The following TLN2 variants were observed in gnomAD, a reference collection of about 807,000 sequenced individuals.
TLN2 encodes the protein talin 2, also known as talin-2.
A neutral mutation model predicts 294.7 loss-of-function variants in TLN2; 118 were observed. The ratio of observed to expected loss-of-function variants is 0.40; its 90% CI spans 0.34 to 0.47. TLN2 has a LOEUF of 0.47. Among genes scored for constraint, TLN2 ranks in the 20% least tolerant of loss-of-function variants. TLN2 has a pLI of 0.84. For synonymous variants in TLN2, 1,431 were observed against 1,304.5 expected, an observed-to-expected ratio of 1.10 and a Z score of -2.09; for missense variants, 3,083 against 3,282.2, an observed-to-expected ratio of 0.94 and a Z score of 1.48.
intron 1 of TLN2, among the ~76,000 whole-genome samples, chr15:62,443,808 C>A (rs2035675707): frequency 6.6e-6 from 1 of 152,096 alleles, no homozygotes; most frequent in African/African-American, 2.4e-5. Flanking sequence ...TTGAGATCAA[C>A]CTTGGTAACG....
At chr15:62,813,554 G>T (rs910496574) in intron 52 of TLN2, among the ~76,000 whole-genome samples, 7 of 152,100 alleles carry the variant, frequency 4.6e-5, no homozygotes, top group Admixed American at 4.6e-4. Context: ...ATTGTCAAAA[G>T]TTAGCAACTA....
intron 12 of TLN2, among the ~76,000 whole-genome samples, chr15:62,691,921 G>A (rs1423607650): frequency 6.6e-6 from 1 of 152,112 alleles, no homozygotes; most frequent in Non-Finnish European, 1.5e-5. Context: ...TGATCCTCTC[G>A]CCTCAACCTC....
intron 36 of TLN2, 106 bp from the exon 37 acceptor site, chr15:62,755,426 C>G: frequency 1.5e-6 from 2 of 1,364,130 alleles, no homozygotes; most frequent in Non-Finnish European, 2.0e-6. Context: ...TGTAATTACA[C>G]AGGCTCTGAA....
chr15:62,726,939 C>T (rs1211089267), intron 27 of TLN2, 148 bp from the exon 28 acceptor site: 9 of 778,556 alleles, frequency 1.2e-5, no homozygotes, highest in East Asian at 8.2e-5. Context: ...GGCTCCTTCT[C>T]CTGTACCACC....
intron 32 of TLN2, among the ~76,000 whole-genome samples, chr15:62,740,992 C>G (rs1358707697): frequency 6.6e-6 from 1 of 152,176 alleles, no homozygotes; most frequent in Non-Finnish European, 1.5e-5. Flanking sequence ...CTCATACAGC[C>G]TTTTCAGTAG....
At chr15:62,674,820 G>A (rs1340253095) in intron 10 of TLN2, among the ~76,000 whole-genome samples, 1 of 152,190 alleles carries the variant, frequency 6.6e-6, no homozygotes, top group Non-Finnish European at 1.5e-5. Flanking sequence ...GAGGATGGAT[G>A]TTAGAATGAC....
At chr15:62,792,566 T>C in intron 45 of TLN2, 75 bp from the exon 46 acceptor site, 1 of 1,564,146 alleles carries the variant, frequency 6.4e-7, no homozygotes, top group Non-Finnish European at 8.6e-7. Flanking sequence ...ATAGGAGAAA[T>C]TTTCCACGTA....
chr15:62,655,256 AC>A (rs1460368367), intron 7 of TLN2, among the ~76,000 whole-genome samples: 1 of 152,114 alleles, frequency 6.6e-6, no homozygotes, highest in Non-Finnish European at 1.5e-5. Flanking sequence ...TAAGGACTTA[AC>A]CCACAATGTG....
intron 1 of TLN2, among the ~76,000 whole-genome samples, chr15:62,585,228 A>T (rs1477906393): frequency 1.3e-5 from 2 of 151,916 alleles, no homozygotes; most frequent in East Asian, 3.9e-4. Flanking sequence ...AGTCTATAAA[A>T]CTCTCATGGT....
intron 1 of TLN2, among the ~76,000 whole-genome samples, chr15:62,524,752 A>C (rs2040646985): frequency 6.6e-6 from 1 of 152,206 alleles, no homozygotes; most frequent in African/African-American, 2.4e-5. Flanking sequence ...CATGCATTAT[A>C]TGCTTGCTTT....
chr15:62,620,940 A>G (rs2048765192), intron 3 of TLN2, among the ~76,000 whole-genome samples: 1 of 137,670 alleles, frequency 7.3e-6, no homozygotes, highest in Non-Finnish European at 1.5e-5. Context: ...CCGGGTTCAC[A>G]CTGTTCTCCT....
chr15:62,544,931 C>A (rs1265065744), intron 1 of TLN2, among the ~76,000 whole-genome samples: 2 of 151,682 alleles, frequency 1.3e-5, no homozygotes, highest in African/African-American at 4.8e-5. Context: ...TGGGGATGAC[C>A]TCACTTTTTT....
intron 39 of TLN2, 50 bp downstream of exon 39, chr15:62,762,503 G>A: frequency 6.3e-7 from 1 of 1,595,710 alleles, no homozygotes. Context: ...CAGCGGGGAA[G>A]GAGGAGGATA....
intron 28 of TLN2, among the ~76,000 whole-genome samples, chr15:62,727,909 G>A (rs1187850667): frequency 6.6e-6 from 1 of 152,138 alleles, no homozygotes; most frequent in African/African-American, 2.4e-5. Flanking sequence ...GGGGAGGAGT[G>A]GGTTATGGAT....
At chr15:62,714,189 G>GTTTTTTTTTTTTTTTTTTTTT (rs5813163) in intron 22 of TLN2, among the ~76,000 whole-genome samples, 1 of 96,390 alleles carries the variant, frequency 1.0e-5, no homozygotes, top group African/African-American at 3.8e-5. Context: ...CAATGTGCAC[G>GTTTTTTTTTTTTTTTTTTTTT]TTTTTTTTTT....
chr15:62,672,648 A>G (rs1018690634), intron 9 of TLN2, among the ~76,000 whole-genome samples: 8 of 152,204 alleles, frequency 5.3e-5, no homozygotes, highest in African/African-American at 1.9e-4. Context: ...CCTTGGTTCA[A>G]GCCACAAGAA....
In TLN2 at chr15:62,506,543, G is replaced by A. The variant is rs562366235; in HGVS notation, c.-237-83144G>A. On this transcript the variant is annotated intron_variant, in intron 1 of 58. Coordinates refer to ENST00000636159, the MANE Select transcript of TLN2 (RefSeq NM_015059.3). Reference sequence around the variant, plus strand: ...GCAAAGATGAGAGCCCTCCTGCCAGGAGATCCTTTAGTTTGTTTCTGGAGC... The same window carrying A: ...GCAAAGATGAGAGCCCTCCTGCCAGAAGATCCTTTAGTTTGTTTCTGGAGC... 7.9e-5 allele frequency among the ~76,000 whole-genome samples: 12 copies of A among 152,336 alleles called. No individual in the cohort carries two copies. The South Asian group carries it at 2.5e-3, about 32-fold the overall frequency.
intron 21 of TLN2, among the ~76,000 whole-genome samples, chr15:62,710,603 T>C (rs1392463858): frequency 2.0e-5 from 3 of 152,196 alleles, no homozygotes; most frequent in Non-Finnish European, 2.9e-5. Context: ...ATTTTTGACA[T>C]CTTCCCTAAA....
intron 1 of TLN2, among the ~76,000 whole-genome samples, chr15:62,484,066 T>G (rs959794519): frequency 2.6e-5 from 4 of 152,218 alleles, no homozygotes; most frequent in African/African-American, 9.6e-5. Context: ...GTCCAGCTGC[T>G]GCTGCTGCTT....
Sources: allele counts gnomAD v4.1 joint callset (sites outside exome capture counted in the v4.1 genomes callset), GRCh38; gene constraint gnomAD v4.1.1; transcripts MANE v1.5; gene names NCBI Gene and HGNC (gene_info 2026-07-23, HGNC 2026-07-21).